CD72: variants seen among roughly 807,000 people sequenced by gnomAD.
The protein encoded by CD72 is B-cell differentiation antigen CD72.
A neutral mutation model predicts 50.7 loss-of-function variants in CD72; 28 were observed. The ratio of observed to expected loss-of-function variants is 0.55; its 90% confidence interval spans 0.41 to 0.76. The LOEUF (loss-of-function observed/expected upper bound fraction) is 0.76. CD72 is among the 30% of genes least tolerant of loss of function. CD72 has a pLI of 0.00. For synonymous variants in CD72, 176 were observed against 171.2 expected (o/e 1.03, Z -0.22); for missense variants, 403 against 420.6 (o/e 0.96, Z 0.37).
chr9:35,628,747 A>G (rs1163365715), intron 1 of CD72, among the ~76,000 whole-genome samples: 3 of 152,216 alleles, frequency 2.0e-5, no homozygotes, highest in African/African-American at 4.8e-5. Context: ...CTGGTATATG[A>G]ATACACCAGC....
At chr9:35,619,315 G>A (rs1412215262), upstream of CD72, among the ~76,000 whole-genome samples, 5 of 152,118 alleles carry the variant, frequency 3.3e-5, no homozygotes, top group Admixed American at 2.6e-4. Flanking sequence ...GCCCAAAGGT[G>A]CTCCCTAATG....
At position 35,612,977 on chromosome 9, in the gene CD72, C is replaced by T. The variant is rs767517894; in HGVS notation, c.705G>A (p.Ser235=). 2.5e-6 allele frequency: 4 copies of T among 1,611,442 alleles called. No individual in the cohort carries two copies. Among genetic ancestry groups the T allele is most frequent in the South Asian group, 2.2e-5 (2 of 90,852 alleles). ...TCGSADTCCP[S]GWIMHQKSCF... Reference sequence around the variant, plus strand: ...AGCTTTTCTGATGCATTATCCATCCCGACGGACAGCAGGTGTCTAAAAAGC... The same window carrying T: ...AGCTTTTCTGATGCATTATCCATCCTGACGGACAGCAGGTGTCTAAAAAGC... The change falls in exon 6 of 9, where the codon TCG becomes TCA. Residue 235 remains serine (S), a synonymous_variant. Coordinates refer to ENST00000259633, the MANE Select transcript of CD72 (RefSeq NM_001782.3).
At chr9:35,645,666 A>G (rs1823385698) in intron 1 of CD72, among the ~76,000 whole-genome samples, 1 of 152,236 alleles carries the variant, frequency 6.6e-6, no homozygotes. Context: ...CTCTATAAAT[A>G]CATACACCTA....
At chr9:35,620,900 T>C (rs901305797), upstream of CD72, among the ~76,000 whole-genome samples, 13 of 152,192 alleles carry the variant, frequency 8.5e-5, no homozygotes, top group Non-Finnish European at 1.8e-4. Flanking sequence ...CCAGGCTTGT[T>C]CTATATTTTT....
At position 35,617,223 on chromosome 9, in the gene CD72, G is replaced by C; in HGVS notation, c.215C>G (p.Ala72Gly). The part of the protein sequence containing the change: ...KAAVKSEQPT[A>G]SWRAVTSPAV... ...TGGTGACGTCACGGCTCTCCAGGAC[G>C]CAGTTGGCTGCTCCGACTTGACCGC... Residue 72 changes from alanine to glycine, a missense_variant, in exon 3 of 9, where the codon GCG becomes GGG. By Grantham distance (60) the Ala-to-Gly change is moderately conservative. Transcript: ENST00000259633. 1 of 1,565,218 alleles carries C rather than the reference G, an allele frequency of 6.4e-7. No individual in the cohort carries two copies. Among genetic ancestry groups the C allele is most frequent in the African/African-American group, 1.4e-5 (1 of 73,726 alleles).
chr9:35,637,253 A>C (rs1351068541), intron 1 of CD72, among the ~76,000 whole-genome samples: 1 of 152,102 alleles, frequency 6.6e-6, no homozygotes, highest in Non-Finnish European at 1.5e-5. Flanking sequence ...CTCTATTCGG[A>C]CTCAGCCCGC....
chr9:35,627,717 G>T (rs558483060), intron 1 of CD72, among the ~76,000 whole-genome samples: 1 of 152,340 alleles, frequency 6.6e-6, no homozygotes, highest in East Asian at 1.9e-4. Context: ...GGGGAGTCTA[G>T]TGTGGACAGA....
chr9:35,616,987 A>G (rs902149543), intron 3 of CD72, 189 bp downstream of exon 3: 8 of 1,442,800 alleles, frequency 5.5e-6, no homozygotes, highest in Non-Finnish European at 6.3e-6. Context: ...GACCATCCGC[A>G]GGGGGGCGGT....
upstream of CD72, among the ~76,000 whole-genome samples, chr9:35,621,215 C>T (rs775254914): frequency 2.6e-5 from 4 of 152,186 alleles, no homozygotes; most frequent in African/African-American, 4.8e-5. Context: ...ATACTATCAT[C>T]ATCTGAGAGC....
intron 3 of CD72, chr9:35,616,945 G>A: frequency 2.1e-6 from 3 of 1,408,286 alleles, no homozygotes; most frequent in Middle Eastern, 2.6e-4. Flanking sequence ...ATCAGACGGA[G>A]AGAGGGGAAG....
intron 8 of CD72, 24 bp from the exon 9 acceptor site, chr9:35,610,324 G>C (rs1254169486): frequency 3.4e-6 from 1 of 292,844 alleles, no homozygotes; most frequent in Non-Finnish European, 6.3e-6. Flanking sequence ...GTATCAGTGA[G>C]CTCCATGGTT....
intron 1 of CD72, among the ~76,000 whole-genome samples, chr9:35,625,235 A>G (rs1406136780): frequency 6.6e-6 from 1 of 152,250 alleles, no homozygotes; most frequent in Non-Finnish European, 1.5e-5. Flanking sequence ...ACTCCAGTGA[A>G]CACAGAAATG....
At chr9:35,637,968 C>A (rs376921248) in intron 1 of CD72, among the ~76,000 whole-genome samples, 1 of 152,182 alleles carries the variant, frequency 6.6e-6, no homozygotes, top group East Asian at 1.9e-4. Context: ...AAAACCCCTT[C>A]AACTCACACC....
intron 1 of CD72, among the ~76,000 whole-genome samples, chr9:35,636,297 A>G (rs1293683686): frequency 6.6e-6 from 1 of 152,128 alleles, no homozygotes; most frequent in Non-Finnish European, 1.5e-5. Flanking sequence ...ACTGTTGTGT[A>G]GCCTTTGGTT....
chr9:35,635,740 A>ACTTGCTTTCTTCCTGAAAGTC (rs1359232977), intron 1 of CD72, among the ~76,000 whole-genome samples: 2 of 152,168 alleles, frequency 1.3e-5, no homozygotes, highest in Non-Finnish European at 1.5e-5. Context: ...TGTCTCTGAG[A>ACTTGCTTTCTTCCTGAAAGTC]CTTGCTTTCT....
At chr9:35,640,565 T>C (rs560639934) in intron 1 of CD72, among the ~76,000 whole-genome samples, 2 of 152,356 alleles carry the variant, frequency 1.3e-5, no homozygotes, top group African/African-American at 4.8e-5. Flanking sequence ...GGGAAGCCTT[T>C]AGCACGATCG....
At chr9:35,632,427 C>G (rs962237095) in intron 1 of CD72, among the ~76,000 whole-genome samples, 8 of 152,064 alleles carry the variant, frequency 5.3e-5, no homozygotes, top group Non-Finnish European at 1.2e-4. Flanking sequence ...GCCTCGGCCT[C>G]CCAAAGTGCT....
chr9:35,640,796 C>T (rs1165279087), intron 1 of CD72, among the ~76,000 whole-genome samples: 1 of 152,236 alleles, frequency 6.6e-6, no homozygotes, highest in African/African-American at 2.4e-5. Flanking sequence ...AGCTCCCATA[C>T]AAAGGGAGGG....
rs1004927265 is a variant in CD72, at chr9:35,617,210, G to A, written c.228C>T (p.Ala76=). 4 of 1,569,654 alleles carry A rather than the reference G, an allele frequency of 2.5e-6. No homozygotes were observed. The highest frequency in any genetic ancestry group is 3.5e-6 in the Non-Finnish European group (4 of 1,156,908). ...KSEQPTASWR[A]VTSPAVGRIL... is the part of the protein sequence containing the mutation. ...TCCGCCCGACAGCTGGTGACGTCAC[G>A]GCTCTCCAGGACGCAGTTGGCTGCT... is the stretch of plus-strand genomic sequence containing the variant. The change falls in exon 3 of 9, where the codon GCC becomes GCT. Residue 76 remains alanine, a synonymous_variant. Transcript: ENST00000259633.
Sources: gnomAD v4.1 joint callset for allele counts (sites outside exome capture counted in the v4.1 genomes callset) on GRCh38, gnomAD v4.1.1 for gene constraint, MANE v1.5 for transcripts, NCBI Gene and HGNC (gene_info 2026-07-23, HGNC 2026-07-21) for gene names.